The following PURG variants were observed in gnomAD, a reference collection of about 807,000 sequenced individuals.
The protein encoded by PURG is purine rich element binding protein G.
Under a neutral mutation model 24.3 loss-of-function variants are expected in PURG, and 3 were observed. That is an observed-to-expected ratio of 0.12 (90% CI 0.06 to 0.32). The LOEUF (loss-of-function observed/expected upper bound fraction) is 0.32. Among genes scored for constraint, PURG ranks in the 10% least tolerant of loss-of-function variants. The pLI, the probability that PURG is intolerant of heterozygous loss-of-function variation, is 1.00. For synonymous variants in PURG, 180 were observed against 173.1 expected (o/e 1.04, Z -0.31); for missense variants, 371 against 439.1 (o/e 0.84, Z 1.39).
At chr8:31,029,297 A>T (rs1225987768), downstream of PURG, among the ~76,000 whole-genome samples, 2 of 151,844 alleles carry the variant, frequency 1.3e-5, no homozygotes, top group African/African-American at 4.8e-5. Context: ...ATATGCATCT[A>T]TTTAATCTGC....
chr8:31,032,947 G>T lies in PURG; in HGVS notation c.-7+131C>A. On this transcript the variant is annotated intron_variant, in intron 1 of 1. Transcript: ENST00000523392. This position sits in a 1 kb window ranked among gnomAD's most constrained non-coding sequence, Gnocchi z 5.9. ...CGCGGGGCTCCAGCCACTGCCGGCC[G>T]GTTGGCGGCCGCCGCTCCGGCTCTG... 1 of 296,384 alleles carries T rather than the reference G, an allele frequency of 3.4e-6. No homozygotes were observed. The highest frequency in any genetic ancestry group is 5.1e-6 in the Non-Finnish European group (1 of 195,900). 18.4% of individuals were successfully genotyped at this position (296,384 alleles called of 1,614,324 possible).
intron 1 of PURG, among the ~76,000 whole-genome samples, chr8:31,007,058 T>C (rs1240507150): frequency 1.3e-5 from 2 of 152,226 alleles, no homozygotes; most frequent in East Asian, 3.8e-4. Flanking sequence ...AGCTATCAAA[T>C]CTTCCTTTTA....
intron 1 of PURG, among the ~76,000 whole-genome samples, chr8:31,011,355 C>T (rs763482290): frequency 1.8e-4 from 28 of 152,128 alleles, no homozygotes; most frequent in Non-Finnish European, 3.2e-4. Context: ...GTAGTCATTA[C>T]CACTTGAACA....
rs1811273562 is a variant in PURG, at chr8:31,032,871, C to T, written c.-6-83G>A. On this transcript the variant is annotated intron_variant, in intron 1 of 1. Transcript: ENST00000523392. The surrounding 1 kb of genome is among the most constrained non-coding windows in gnomAD (Gnocchi z 5.9). ...GCAGACGCCCCTCGGCCTGACCGCC[C>T]CGCCGCCGCCCGCGACCCCCACGCC... is the stretch of plus-strand genomic sequence containing the variant. 4 of 1,074,946 alleles carry T rather than the reference C, an allele frequency of 3.7e-6. No homozygotes were observed. Among genetic ancestry groups the T allele is most frequent in the South Asian group, 4.7e-5 (1 of 21,402 alleles). The allele number at this position is 1,074,946 out of a possible 1,614,324, so 66.6% of individuals were successfully genotyped here.
chr8:31,021,474 G>A (rs571458309), intron 1 of PURG, among the ~76,000 whole-genome samples: 1 of 152,252 alleles, frequency 6.6e-6, no homozygotes, highest in Admixed American at 6.5e-5. Flanking sequence ...GTATTTATTA[G>A]CACCAACTTT....
intron 1 of PURG, among the ~76,000 whole-genome samples, chr8:30,999,436 G>T (rs1402087983): frequency 6.6e-6 from 1 of 151,858 alleles, no homozygotes; most frequent in Non-Finnish European, 1.5e-5. Flanking sequence ...AATTAGGATA[G>T]AGGAGGAAAG....
downstream of PURG, among the ~76,000 whole-genome samples, chr8:31,030,408 C>T (rs535882771): frequency 6.6e-6 from 1 of 151,982 alleles, no homozygotes; most frequent in Middle Eastern, 3.4e-3. Flanking sequence ...TCAATTAATA[C>T]AGGATGGGTT....
downstream of PURG, among the ~76,000 whole-genome samples, chr8:31,028,398 C>T (rs975953457): frequency 4.6e-5 from 7 of 151,824 alleles, no homozygotes; most frequent in Admixed American, 2.0e-4. Flanking sequence ...CACATCCCAC[C>T]TGTCAAGTGG....
chr8:31,029,412 T>C (rs1035757747), downstream of PURG, among the ~76,000 whole-genome samples: 4 of 151,782 alleles, frequency 2.6e-5, no homozygotes, highest in Non-Finnish European at 5.9e-5. Context: ...AATTTAATAA[T>C]GTTTATATAC....
chr8:31,010,822 G>A (rs1431990611), intron 1 of PURG, among the ~76,000 whole-genome samples: 3 of 152,038 alleles, frequency 2.0e-5, no homozygotes, highest in East Asian at 1.9e-4. Flanking sequence ...TGATTTTAAC[G>A]TATATGTAAA....
Position 31,030,931 on chromosome 8 carries a change from T to C in PURG, c.*808A>G, listed in dbSNP as rs1283091734. The C allele has an allele frequency of 3.3e-5, 5 of 152,374 alleles. No homozygotes were observed. Among genetic ancestry groups the C allele is most frequent in the Non-Finnish European group, 5.9e-5 (4 of 67,952 alleles). The allele number at this position is 152,374 out of a possible 1,614,324, so 9.4% of individuals were successfully genotyped here. ...AAAAGCTACACCACCAAGATTTCCA[T>C]AGCAAAGCCATTGGATGAAGCCTCC... is the stretch of plus-strand genomic sequence containing the variant. On this transcript the variant is annotated 3_prime_UTR_variant, in exon 2 of 2. Coordinates refer to ENST00000523392, the MANE Select transcript of PURG (RefSeq NM_001323311.2).
chr8:31,032,464 G>A lies in PURG; in HGVS notation c.319C>T (p.Leu107Phe). The A allele has an allele frequency of 1.2e-6, 2 of 1,614,196 alleles. No individual in the cohort carries two copies. Among genetic ancestry groups the A allele is most frequent in the Non-Finnish European group, 1.7e-6 (2 of 1,180,044 alleles). ...QDNIRKSKLT[L>F]SLSVAAELKD... ...AGCTCCGCTGCCACAGACAGGGAGA[G>A]GGTCAGTTTACTCTTTCTGATGTTG... The change falls in exon 2 of 2, where the codon CTC becomes TTC. Residue 107 changes from leucine (L) to phenylalanine (F), a missense_variant. Leu to Phe is a conservative substitution (Grantham distance 22). This residue lies in a region of PURG where 213 missense variants were observed against 230.6 expected (regional missense o/e 0.92). Coordinates refer to ENST00000523392, the MANE Select transcript of PURG (RefSeq NM_001323311.2). This position sits in a 1 kb window ranked among gnomAD's most constrained non-coding sequence, Gnocchi z 5.9.
At position 31,003,254 on chromosome 8, in the gene PURG, C is replaced by T. The variant is rs1298705336; in HGVS notation, c.865-6557G>A. ...TAAGTATGATAGGGGAAAAGGAAAG[C>T]ACGTGTATTTTAGTCGTAGGTGAAA... On this transcript the variant is annotated intron_variant, in intron 1 of 1. Coordinates refer to the PURG transcript ENST00000339382. Among the ~76,000 whole-genome samples, 8 of 152,186 alleles carry T rather than the reference C, an allele frequency of 5.3e-5. No individual in the cohort carries two copies. The East Asian group carries it at 1.5e-3, about 29-fold the overall frequency.
intron 1 of PURG, chr8:30,996,759 T>A: frequency 1.6e-6 from 2 of 1,232,140 alleles, no homozygotes; most frequent in Non-Finnish European, 2.4e-6. Context: ...GTTCCACTAT[T>A]TTCACAGTAC....
Position 31,032,122 on chromosome 8 carries a change from T to C in PURG, c.661A>G (p.Thr221Ala). Residue 221 changes from threonine (T) to alanine (A), a missense_variant, in exon 2 of 2, where the codon ACT (threonine) becomes GCT (alanine). Coordinates refer to ENST00000523392, the MANE Select transcript of PURG (RefSeq NM_001323311.2). This position sits in a 1 kb window ranked among gnomAD's most constrained non-coding sequence, Gnocchi z 5.9. ...ATTCCTTGTGCTGGGAGGACAATAG[T>C]CTGTTCTTGGCCCAAACTGTGGCCA... Reference protein sequence around the residue: ...YFGHSLGQEQTIVLPAQGMIE... With the variant: ...YFGHSLGQEQAIVLPAQGMIE... 6.2e-7 allele frequency: 1 copy of C among 1,614,132 alleles called. No homozygotes were observed. The highest frequency in any genetic ancestry group is 8.5e-7 in the Non-Finnish European group (1 of 1,180,024).
At chr8:31,009,595 T>C (rs1043362856) in intron 1 of PURG, among the ~76,000 whole-genome samples, 1 of 152,174 alleles carries the variant, frequency 6.6e-6, no homozygotes, top group Non-Finnish European at 1.5e-5. Flanking sequence ...TAGCTAACAG[T>C]ATGCTTTTAA....
Position 31,022,077 on chromosome 8 carries a change from T to C in PURG, c.864+9842A>G, listed in dbSNP as rs1585364977. On this transcript the variant is annotated intron_variant, in intron 1 of 1. Coordinates refer to the PURG transcript ENST00000339382. ...CCTCCGCCTCCTAGGTTCAAGCGAT[T>C]CTCCTGCCTCAGCCTTCTGACTAGC... Among the ~76,000 whole-genome samples, 3 of 152,104 alleles carry C rather than the reference T, an allele frequency of 2.0e-5. No individual in the cohort carries two copies. In the East Asian group the frequency reaches 5.8e-4, roughly 29 times the overall value.
chr8:31,000,603 C>T (rs1810518849), intron 1 of PURG, among the ~76,000 whole-genome samples: 1 of 151,832 alleles, frequency 6.6e-6, no homozygotes, highest in Admixed American at 6.6e-5. Context: ...GTGTAGTGCC[C>T]CATTTAATTA....
intron 1 of PURG, among the ~76,000 whole-genome samples, chr8:31,015,326 C>T (rs1045011820): frequency 6.6e-6 from 1 of 152,086 alleles, no homozygotes; most frequent in Non-Finnish European, 1.5e-5. Flanking sequence ...TTATGCTATG[C>T]ATTTTTTTAA....
Sources: gnomAD v4.1 joint callset for allele counts (sites outside exome capture counted in the v4.1 genomes callset) on GRCh38, gnomAD v4.1.1 for gene constraint, gnomAD v4.1.1 regional missense constraint, Gnocchi (gnomAD v3.1) non-coding constraint, MANE v1.5 for transcripts, NCBI Gene and HGNC (gene_info 2026-07-23, HGNC 2026-07-21) for gene names.